The following PARD3B variants were observed in gnomAD, a reference collection of about 807,000 sequenced individuals.
PARD3B encodes the protein partitioning defective 3 homolog B.
In PARD3B, 103 loss-of-function variants were observed where a neutral mutation model predicts 130.2. The ratio of observed to expected loss-of-function variants is 0.79; its 90% confidence interval spans 0.67 to 0.93. The LOEUF is 0.93. Among genes scored for constraint, PARD3B ranks in the 40% least tolerant of loss-of-function variants. PARD3B has a pLI of 0.00. For synonymous variants in PARD3B, 583 were observed against 553.2 expected (o/e 1.05, Z -0.76); for missense variants, 1,609 against 1,499.2 (o/e 1.07, Z -1.21).
In PARD3B at chr2:204,686,194, G is replaced by A. The variant is rs745392520; in HGVS notation, c.134G>A (p.Trp45Ter). ...LKTREKGPGY[W>*]VKIHHLEYTD... ...GTTCTACTATAGGGTCCTGGTTACTGGGTGAAGATTCATCACTTAGAATAT... is the reference window on the plus strand; with the variant it reads ...GTTCTACTATAGGGTCCTGGTTACTAGGTGAAGATTCATCACTTAGAATAT... Residue 45 changes from tryptophan (W) to a stop codon, truncating the protein, a stop_gained, in exon 2 of 23, where the codon TGG becomes TAG. Coordinates refer to ENST00000406610, the MANE Select transcript of PARD3B (RefSeq NM_001302769.2). LOFTEE classifies it high-confidence loss of function. 1.2e-6 allele frequency: 2 copies of A among 1,609,204 alleles called. No individual in the cohort carries two copies. The highest frequency in any genetic ancestry group is 1.7e-6 in the Non-Finnish European group (2 of 1,175,742).
intron 2 of PARD3B, among the ~76,000 whole-genome samples, chr2:204,705,209 C>A (rs1007816702): frequency 2.0e-5 from 3 of 152,104 alleles, no homozygotes; most frequent in Non-Finnish European, 4.4e-5. Flanking sequence ...GTATTGGGAG[C>A]CGATTATGTG....
intron 15 of PARD3B, among the ~76,000 whole-genome samples, chr2:205,235,960 C>T (rs2039044844): frequency 6.6e-6 from 1 of 152,062 alleles, no homozygotes; most frequent in African/African-American, 2.4e-5. Context: ...AAACCATTAA[C>T]CAGACTGATT....
At chr2:205,166,966 T>C (rs1300488511) in intron 11 of PARD3B, among the ~76,000 whole-genome samples, 3 of 152,194 alleles carry the variant, frequency 2.0e-5, no homozygotes, top group Non-Finnish European at 4.4e-5. Context: ...TGGACTGGCC[T>C]TGGGCCACAG....
chr2:204,996,720 A>G (rs1306466916), intron 3 of PARD3B, among the ~76,000 whole-genome samples: 4 of 149,296 alleles, frequency 2.7e-5, no homozygotes, highest in African/African-American at 4.9e-5. Context: ...CTGCTGTGCT[A>G]GCAATCAGCG....
intron 22 of PARD3B, among the ~76,000 whole-genome samples, chr2:205,600,866 G>C (rs1489423883): frequency 6.6e-6 from 1 of 152,162 alleles, no homozygotes; most frequent in African/African-American, 2.4e-5. Flanking sequence ...AGTATTCCAT[G>C]GTGTATATGT....
chr2:204,672,981 A>G (rs879791188), intron 1 of PARD3B, among the ~76,000 whole-genome samples: 2 of 152,192 alleles, frequency 1.3e-5, no homozygotes, highest in Non-Finnish European at 2.9e-5. Context: ...AAATATATGT[A>G]TGTATATGTA....
chr2:204,643,481 C>G (rs2125157072), intron 1 of PARD3B, among the ~76,000 whole-genome samples: 1 of 152,208 alleles, frequency 6.6e-6, no homozygotes, highest in Non-Finnish European at 1.5e-5. Flanking sequence ...AATTTGACTC[C>G]TTAGCTTGAA....
chr2:205,095,976 G>A (rs907572485), intron 4 of PARD3B, among the ~76,000 whole-genome samples: 1 of 152,008 alleles, frequency 6.6e-6, no homozygotes, highest in African/African-American at 2.4e-5. Context: ...TAGAGAGAAG[G>A]TTTTGGTTTT....
chr2:205,293,334 T>A (rs1005769180), intron 16 of PARD3B, among the ~76,000 whole-genome samples: 1 of 151,940 alleles, frequency 6.6e-6, no homozygotes, highest in African/African-American at 2.4e-5. Flanking sequence ...CACTCAACAA[T>A]CAAAAGCAGA....
intron 6 of PARD3B, among the ~76,000 whole-genome samples, chr2:205,115,244 A>G (rs1339820182): frequency 6.6e-6 from 1 of 152,098 alleles, no homozygotes; most frequent in Non-Finnish European, 1.5e-5. Flanking sequence ...CCTGGTTCTG[A>G]TTCCTAGCAC....
intron 2 of PARD3B, among the ~76,000 whole-genome samples, chr2:204,748,863 C>G (rs983933208): frequency 1.3e-5 from 2 of 151,914 alleles, no homozygotes; most frequent in Non-Finnish European, 1.5e-5. Context: ...GTCTTTTTTC[C>G]TATATACCCA....
At chr2:205,063,249 C>A (rs1169935716) in intron 4 of PARD3B, among the ~76,000 whole-genome samples, 1 of 151,908 alleles carries the variant, frequency 6.6e-6, no homozygotes, top group African/African-American at 2.4e-5. Context: ...CTAATTTGAT[C>A]ATTATACGTT....
intron 2 of PARD3B, among the ~76,000 whole-genome samples, chr2:204,707,157 T>C (rs1384042058): frequency 2.6e-5 from 4 of 152,224 alleles, no homozygotes; most frequent in Non-Finnish European, 4.4e-5. Flanking sequence ...TGTGTGTTTC[T>C]GTGCACTCTC....
At chr2:205,302,904 C>T (rs757358460) in intron 18 of PARD3B, among the ~76,000 whole-genome samples, 5 of 152,222 alleles carry the variant, frequency 3.3e-5, no homozygotes, top group Non-Finnish European at 7.3e-5. Context: ...TGACCCAGCA[C>T]AGTTGTGAGA....
At chr2:205,225,163 G>GT (rs2038475150) in intron 15 of PARD3B, among the ~76,000 whole-genome samples, 1 of 152,148 alleles carries the variant, frequency 6.6e-6, no homozygotes, top group East Asian at 1.9e-4. Flanking sequence ...TCTATATTGA[G>GT]TTTTTTAAGG....
intron 10 of PARD3B, among the ~76,000 whole-genome samples, chr2:205,150,809 G>A (rs2033702218): frequency 6.6e-6 from 1 of 152,208 alleles, no homozygotes; most frequent in African/African-American, 2.4e-5. Flanking sequence ...GAGTCTGACA[G>A]TTGAACTCAC....
chr2:205,450,453 T>A (rs951727982), intron 20 of PARD3B, among the ~76,000 whole-genome samples: 1 of 150,516 alleles, frequency 6.6e-6, no homozygotes, highest in African/African-American at 2.5e-5. Context: ...CTTAAAAAAT[T>A]TAAGTGCAGA....
chr2:205,106,538 A>G (rs1287794889), intron 5 of PARD3B, among the ~76,000 whole-genome samples: 1 of 144,926 alleles, frequency 6.9e-6, no homozygotes, highest in Non-Finnish European at 1.5e-5. Flanking sequence ...TGTATATTTG[A>G]TTATCAAAAC....
chr2:205,161,263 A>G (rs1054006433), intron 11 of PARD3B, among the ~76,000 whole-genome samples: 1 of 152,170 alleles, frequency 6.6e-6, no homozygotes, highest in African/African-American at 2.4e-5. Context: ...AGTTTCTAAC[A>G]GTCCTGTTTC....
Sources: gnomAD v4.1 joint callset for allele counts (sites outside exome capture counted in the v4.1 genomes callset) on GRCh38, gnomAD v4.1.1 for gene constraint, MANE v1.5 for transcripts, NCBI Gene and HGNC (gene_info 2026-07-23, HGNC 2026-07-21) for gene names.